Variants in DHRS7B observed in about 807,000 individuals in gnomAD.
DHRS7B encodes dehydrogenase/reductase 7B.
Under a neutral mutation model 26.4 loss-of-function variants are expected in DHRS7B, and 24 were observed. The observed-to-expected ratio is 0.91, with a 90% CI of 0.66 to 1.28. The LOEUF is 1.28. Ranked by LOEUF, DHRS7B falls within the 50% of genes most tolerant of loss-of-function variation. DHRS7B has a pLI of 0.00. For missense variants in DHRS7B, 368 were observed against 419.4 expected, an observed-to-expected ratio of 0.88 and a Z score of 1.07; for synonymous variants, 142 against 166.4, an observed-to-expected ratio of 0.85 and a Z score of 1.13.
chr17:21,144,439 C>G (rs188456295), intron 1 of DHRS7B, among the ~76,000 whole-genome samples: 2 of 152,198 alleles, frequency 1.3e-5, no homozygotes, highest in Admixed American at 6.5e-5. Flanking sequence ...TCATGCTGGA[C>G]TACCTTAGTT....
chr17:21,170,860 A>ATT (rs35799443), intron 1 of DHRS7B, among the ~76,000 whole-genome samples: 18 of 150,624 alleles, frequency 1.2e-4, no homozygotes, highest in Non-Finnish European at 2.1e-4. Flanking sequence ...AGGAAGCAGA[A>ATT]TTTTTTTTTT....
In DHRS7B at chr17:21,184,432, G is replaced by A; in HGVS notation, c.588G>A (p.Gln196=). 4 of 1,614,206 alleles carry A rather than the reference G, an allele frequency of 2.5e-6. No individual in the cohort carries two copies. Among genetic ancestry groups the A allele is most frequent in the Non-Finnish European group, 3.4e-6 (4 of 1,180,048 alleles). The change falls in exon 5 of 7, where the codon CAG becomes CAA. Residue 196 remains glutamine (Q), a synonymous_variant. Coordinates refer to ENST00000395511, the MANE Select transcript of DHRS7B (RefSeq NM_015510.5). Reference sequence around the variant, plus strand: ...ACATTGTCGCCATCAGCAGCATCCAGGGCAAGATGAGCATTCCTTTTCGAT... The same window carrying A: ...ACATTGTCGCCATCAGCAGCATCCAAGGCAAGATGAGCATTCCTTTTCGAT... ...QGHIVAISSI[Q]GKMSIPFRSA... is the part of the protein sequence containing the mutation.
chr17:21,182,776 C>A (rs1463153811), intron 3 of DHRS7B, among the ~76,000 whole-genome samples: 3 of 152,196 alleles, frequency 2.0e-5, no homozygotes, highest in African/African-American at 7.2e-5. Flanking sequence ...TTTTAATACG[C>A]TGTTAAATTC....
chr17:21,189,409 G>T (rs1054367674), intron 6 of DHRS7B, among the ~76,000 whole-genome samples: 2 of 152,228 alleles, frequency 1.3e-5, no homozygotes, highest in Non-Finnish European at 2.9e-5. Flanking sequence ...GCTGGCCCCA[G>T]CATGCAGGCT....
At chr17:21,129,776 A>G (rs1462262232) in intron 1 of DHRS7B, among the ~76,000 whole-genome samples, 2 of 152,100 alleles carry the variant, frequency 1.3e-5, no homozygotes, top group African/African-American at 4.8e-5. Flanking sequence ...TATGGATAAT[A>G]TGCTAATGCA....
In DHRS7B at chr17:21,184,411, T is replaced by C; in HGVS notation, c.567T>C (p.Ile189=). Residue 189 remains isoleucine, a synonymous_variant, in exon 5 of 7, where the codon ATT becomes ATC. Transcript: ENST00000395511. ...PSMIKRRQGH[I]VAISSIQGKM... ...TGATCAAGAGGAGGCAAGGCCACAT[T>C]GTCGCCATCAGCAGCATCCAGGGCA... 1 of 1,614,224 alleles carries C rather than the reference T, an allele frequency of 6.2e-7. No individual in the cohort carries two copies. Among genetic ancestry groups the C allele is most frequent in the Non-Finnish European group, 8.5e-7 (1 of 1,180,034 alleles).
At position 21,172,297 on chromosome 17, in the gene DHRS7B, G is replaced by A. The variant is rs1974274641; in HGVS notation, c.199+101G>A. 1.6e-5 allele frequency: 22 copies of A among 1,395,616 alleles called. No homozygotes were observed. In the East Asian group the frequency reaches 4.2e-4, roughly 27 times the overall value. 86.5% of individuals were successfully genotyped at this position (1,395,616 alleles called of 1,614,324 possible). On this transcript the variant is annotated intron_variant, in intron 2 of 6. Coordinates refer to ENST00000395511, the MANE Select transcript of DHRS7B (RefSeq NM_015510.5). The stretch of plus-strand genomic sequence containing the variant: ...GACCACCAGCGCAAATGCCCGAAGC[G>A]GCAGCAGAAGGCCAGATAAGGGAAG...
At chr17:21,137,463 T>A (rs1324247186) in intron 1 of DHRS7B, among the ~76,000 whole-genome samples, 1 of 150,924 alleles carries the variant, frequency 6.6e-6, no homozygotes, top group Non-Finnish European at 1.5e-5. Flanking sequence ...CTGGCTAATT[T>A]TTTTTTTTTT....
At chr17:21,174,471 A>G (rs905584785) in intron 2 of DHRS7B, among the ~76,000 whole-genome samples, 1 of 152,186 alleles carries the variant, frequency 6.6e-6, no homozygotes, top group African/African-American at 2.4e-5. Context: ...AGCCCTTCAT[A>G]TATCGTACCT....
At chr17:21,186,426 C>T (rs921988063) in intron 5 of DHRS7B, among the ~76,000 whole-genome samples, 1 of 152,220 alleles carries the variant, frequency 6.6e-6, no homozygotes, top group African/African-American at 2.4e-5. Context: ...TGTCCCCAAG[C>T]CTGGGCTGTA....
intron 1 of DHRS7B, among the ~76,000 whole-genome samples, chr17:21,130,448 AG>A (rs996057528): frequency 1.3e-5 from 2 of 152,256 alleles, no homozygotes; most frequent in Admixed American, 6.5e-5. Flanking sequence ...ACGTTTGTAA[AG>A]GGGGGGTTCC....
At chr17:21,146,132 T>C (rs991280870) in intron 1 of DHRS7B, among the ~76,000 whole-genome samples, 6 of 152,216 alleles carry the variant, frequency 3.9e-5, no homozygotes, top group African/African-American at 1.4e-4. Flanking sequence ...GCCTGGGCAC[T>C]GTAGCATAGT....
intron 1 of DHRS7B, among the ~76,000 whole-genome samples, chr17:21,150,118 A>AAAAC (rs1555537199): frequency 0.3 from 40,024 of 134,724 alleles, 6,351 homozygotes; most frequent in Middle Eastern, 0.36. Context: ...AAAAAAAAAA[A>AAAAC]AAAAAAAAAA....
At chr17:21,129,974 TAGTTACTTTTTTCCAA>T (rs1365480308) in intron 1 of DHRS7B, among the ~76,000 whole-genome samples, 1 of 152,216 alleles carries the variant, frequency 6.6e-6, no homozygotes, top group Non-Finnish European at 1.5e-5. Flanking sequence ...CTGTGCTACC[TAGTTACTTTTTTCCAA>T]AGGAAAACAT....
chr17:21,168,909 C>G lies in DHRS7B; in HGVS notation c.21-3109C>G, dbSNP rs931231601. 8 of 985,316 alleles carry G rather than the reference C, an allele frequency of 8.1e-6. No homozygotes were observed. In the African/African-American group the frequency reaches 1.0e-4, roughly 13 times the overall value. 61.0% of individuals were successfully genotyped at this position (985,316 alleles called of 1,614,324 possible). ...TACAAGACGGTGTGTAGTTTTCGCT[C>G]TTTTCTTCATGTCATGGATTGCTGG... On this transcript the variant is annotated intron_variant, in intron 1 of 6. Coordinates refer to ENST00000395511, the MANE Select transcript of DHRS7B (RefSeq NM_015510.5).
At chr17:21,136,285 A>T (rs939520425) in intron 1 of DHRS7B, among the ~76,000 whole-genome samples, 42 of 146,420 alleles carry the variant, frequency 2.9e-4, no homozygotes, top group African/African-American at 1.0e-3. Context: ...CTGGGCAACA[A>T]GAGCAAAACT....
intron 1 of DHRS7B, among the ~76,000 whole-genome samples, chr17:21,143,816 A>G (rs969754217): frequency 6.6e-6 from 1 of 152,240 alleles, no homozygotes; most frequent in Non-Finnish European, 1.5e-5. Flanking sequence ...CTGAAATCCC[A>G]GTTACTGAAA....
At chr17:21,131,152 C>T (rs1488202263) in intron 1 of DHRS7B, among the ~76,000 whole-genome samples, 1 of 152,100 alleles carries the variant, frequency 6.6e-6, no homozygotes, top group Non-Finnish European at 1.5e-5. Context: ...AATTTGAGGC[C>T]AATCCATAGA....
At chr17:21,163,266 C>T (rs1054014264) in intron 1 of DHRS7B, among the ~76,000 whole-genome samples, 13 of 151,748 alleles carry the variant, frequency 8.6e-5, no homozygotes, top group Admixed American at 1.3e-4. Flanking sequence ...AAATTAGAAA[C>T]GGCTTTGGTA....
Sources: gnomAD v4.1 joint callset for allele counts (sites outside exome capture counted in the v4.1 genomes callset) on GRCh38, gnomAD v4.1.1 for gene constraint, MANE v1.5 for transcripts, NCBI Gene and HGNC (gene_info 2026-07-23, HGNC 2026-07-21) for gene names.